The following NUP155 variants were observed in gnomAD, a reference collection of about 807,000 sequenced individuals.
The protein encoded by NUP155 is nuclear pore complex protein Nup155.
A neutral mutation model predicts 180.4 loss-of-function variants in NUP155; 71 were observed. The ratio of observed to expected loss-of-function variants is 0.39; its 90% CI spans 0.33 to 0.48. The LOEUF (loss-of-function observed/expected upper bound fraction) is 0.48. Among genes scored for constraint, NUP155 ranks in the 20% least tolerant of loss-of-function variants. NUP155 has a pLI of 0.91. For missense variants in NUP155, 1,553 were observed against 1,648.9 expected (o/e 0.94, Z 1.01); for synonymous variants, 582 against 559.5 (o/e 1.04, Z -0.57).
intron 20 of NUP155, among the ~76,000 whole-genome samples, chr5:37,319,250 G>A (rs1054084788): frequency 6.6e-6 from 1 of 152,206 alleles, no homozygotes; most frequent in Non-Finnish European, 1.5e-5. Flanking sequence ...ATGGAAGTGT[G>A]CTAAAACTGG....
In NUP155 at chr5:37,337,832, T is replaced by C. The variant is rs375925999; in HGVS notation, c.1333A>G (p.Met445Val). The C allele has an allele frequency of 1.2e-5, 19 of 1,604,760 alleles. No homozygotes were observed. Among genetic ancestry groups the C allele is most frequent in the East Asian group, 1.1e-4 (5 of 44,744 alleles). ...NHDTFPFQKP[M>V]METQMTAGVD... ...GGATAACTTACCTGGGTTTCCATCA[T>C]TGGCTTTTGGAAAGGAAAAGTATCA... Residue 445 changes from methionine (M) to valine (V), a missense_variant, in exon 12 of 35, where the codon ATG becomes GTG. Transcript: ENST00000231498.
intron 1 of NUP155, among the ~76,000 whole-genome samples, chr5:37,365,483 C>T (rs1181527185): frequency 2.7e-5 from 4 of 150,814 alleles, no homozygotes; most frequent in Non-Finnish European, 4.4e-5. Context: ...AGAGGCAAGC[C>T]GATCACAAGG....
intron 14 of NUP155, among the ~76,000 whole-genome samples, chr5:37,330,512 C>A (rs1744886843): frequency 6.6e-6 from 1 of 152,100 alleles, no homozygotes; most frequent in South Asian, 2.1e-4. Flanking sequence ...CATACCACAT[C>A]CTATTATAAT....
At chr5:37,296,577 A>C (rs575703998) in intron 32 of NUP155, among the ~76,000 whole-genome samples, 130 of 151,380 alleles carry the variant, frequency 8.6e-4, no homozygotes, top group African/African-American at 3.1e-3. Flanking sequence ...TCCTCTGCCT[A>C]GGAAAACCAG....
chr5:37,315,634 C>T (rs79294490), intron 21 of NUP155, among the ~76,000 whole-genome samples: 7,957 of 150,560 alleles, frequency 0.053, 232 homozygotes, highest in South Asian at 0.081. Flanking sequence ...TTGTGCATTG[C>T]TACTAGAAGT....
intron 13 of NUP155, 64 bp from the exon 14 acceptor site, chr5:37,331,859 T>C: frequency 1.1e-6 from 1 of 934,502 alleles, no homozygotes; most frequent in Non-Finnish European, 1.7e-6. Context: ...AGCAACTGAC[T>C]CTACCTTATT....
In NUP155 at chr5:37,342,607, T is replaced by C; in HGVS notation, c.1035A>G (p.Ile345Met). Residue 345 changes from isoleucine to methionine, a missense_variant, in exon 10 of 35, where the codon ATA becomes ATG. Ile to Met is a conservative substitution (Grantham distance 10, BLOSUM62 1). Transcript: ENST00000231498. ...DRSVFKPIVQ[I>M]AVIENSESLD... ...GTGATTCAGAATTTTCAATCACTGC[T>C]ATTTGGACAATTGGTTTAAAAACAG... 6.2e-7 allele frequency: 1 copy of C among 1,613,268 alleles called. No homozygotes were observed.
chr5:37,299,595 A>T, intron 30 of NUP155, 27 bp from the exon 31 acceptor site: 1 of 1,611,370 alleles, frequency 6.2e-7, no homozygotes, highest in South Asian at 1.1e-5. Flanking sequence ...CAAAATTAAC[A>T]TCCAACTAGA....
In NUP155 at chr5:37,289,978, C is replaced by G. The variant is rs1742164835; in HGVS notation, c.*1922G>C. ...GTAGTAGTACCCACTGAGTGACGTTCTGGCATTCTATTAAATATTCTACAT... is the reference window on the plus strand; with the variant it reads ...GTAGTAGTACCCACTGAGTGACGTTGTGGCATTCTATTAAATATTCTACAT... On this transcript the variant is annotated 3_prime_UTR_variant, in exon 35 of 35. Transcript: ENST00000231498. 1.3e-5 allele frequency: 2 copies of G among 152,248 alleles called. No homozygotes were observed. Among genetic ancestry groups the G allele is most frequent in the South Asian group, 4.1e-4 (2 of 4,826 alleles). The allele number at this position is 152,248 out of a possible 1,614,324, so 9.4% of individuals were successfully genotyped here.
chr5:37,309,436 A>C (rs572631478), intron 23 of NUP155, 169 bp from the exon 24 acceptor site: 56 of 613,172 alleles, frequency 9.1e-5, no homozygotes, highest in Non-Finnish European at 1.4e-4. Context: ...TTTTTGACCA[A>C]AGATTCCTAG....
chr5:37,354,278 G>A (rs1298754425), intron 4 of NUP155, among the ~76,000 whole-genome samples: 1 of 150,938 alleles, frequency 6.6e-6, no homozygotes, highest in Non-Finnish European at 1.5e-5. Flanking sequence ...TCCCGAGTAG[G>A]TGAGATTACA....
At chr5:37,307,691 G>C (rs546760125) in intron 24 of NUP155, among the ~76,000 whole-genome samples, 1 of 152,216 alleles carries the variant, frequency 6.6e-6, no homozygotes, top group Admixed American at 6.5e-5. Flanking sequence ...GGGAGGCTGA[G>C]AGGGGGCAGA....
At chr5:37,299,636 C>A in intron 30 of NUP155, 68 bp from the exon 31 acceptor site, 1 of 1,479,938 alleles carries the variant, frequency 6.8e-7, no homozygotes, top group Middle Eastern at 1.7e-4. Flanking sequence ...TAGTGAAGCA[C>A]TCCTTGAAAA....
In NUP155 at chr5:37,351,228, C is replaced by G; in HGVS notation, c.685G>C (p.Ala229Pro). 1 of 1,613,808 alleles carries G rather than the reference C, an allele frequency of 6.2e-7. No individual in the cohort carries two copies. Among genetic ancestry groups the G allele is most frequent in the Non-Finnish European group, 8.5e-7 (1 of 1,179,914 alleles). ...TSTDNGRIFL[A>P]GKDGCLYEVA... The stretch of plus-strand genomic sequence containing the variant: ...TCATATAAACAGCCATCCTTTCCAG[C>G]CAAGAAAATTCTGCCATTATCAGTG... Residue 229 changes from alanine to proline, a missense_variant, in exon 6 of 35, where the codon GCT becomes CCT. Physicochemically the swap from Ala to Pro is conservative, Grantham distance 27 (BLOSUM62 -1). Coordinates refer to ENST00000231498, the MANE Select transcript of NUP155 (RefSeq NM_153485.3).
rs1216663204 is a variant in NUP155, at chr5:37,371,085, A to ACGAG, written c.-112_-109dup. On this transcript the variant is annotated 5_prime_UTR_variant, in exon 1 of 35. Transcript: ENST00000231498. ...CCGCCGCCTAGGGCGCGCGCGCCAA[A>ACGAG]CGAGCGCCTTGGCGCCTCGACATGA... The ACGAG allele has an allele frequency of 8.5e-7, 1 of 1,174,968 alleles. No individual in the cohort carries two copies. The highest frequency in any genetic ancestry group is 1.5e-5 in the African/African-American group (1 of 65,486). The allele number at this position is 1,174,968 out of a possible 1,614,324, so 72.8% of individuals were successfully genotyped here.
chr5:37,318,572 T>C (rs1200124368), intron 20 of NUP155, among the ~76,000 whole-genome samples: 3 of 152,064 alleles, frequency 2.0e-5, no homozygotes, highest in Non-Finnish European at 2.9e-5. Flanking sequence ...ACTGGAGCAA[T>C]TTCGATTTCA....
intron 1 of NUP155, among the ~76,000 whole-genome samples, chr5:37,365,786 CACACACAG>C (rs1747546374): frequency 1.4e-5 from 2 of 138,434 alleles, no homozygotes; most frequent in South Asian, 2.3e-4. Flanking sequence ...CACACACACA[CACACACAG>C]ACGCCTACTA....
intron 30 of NUP155, 181 bp downstream of exon 30, chr5:37,301,255 CT>C (rs1181297025): frequency 4.7e-5 from 26 of 558,196 alleles, no homozygotes; most frequent in Non-Finnish European, 1.3e-5. Context: ...GTAGCTTAGC[CT>C]TTTTCTAGGA....
At position 37,348,503 on chromosome 5, in the gene NUP155, A is replaced by C. The variant is rs1246854536; in HGVS notation, c.995+2T>G. The C allele has an allele frequency of 6.4e-7, 1 of 1,570,208 alleles. No individual in the cohort carries two copies. Among genetic ancestry groups the C allele is most frequent in the Non-Finnish European group, 8.8e-7 (1 of 1,140,202 alleles). ...AATGCTTAATAATAAATTACATGTTACCTAGCAATGTTACCAGCAGCAGAG... is the reference window on the plus strand; with the variant it reads ...AATGCTTAATAATAAATTACATGTTCCCTAGCAATGTTACCAGCAGCAGAG... On this transcript the variant is annotated splice_donor_variant, in intron 9 of 34. Coordinates refer to ENST00000231498, the MANE Select transcript of NUP155 (RefSeq NM_153485.3). LOFTEE classifies it high-confidence loss of function.
Sources: gnomAD v4.1 joint callset for allele counts (sites outside exome capture counted in the v4.1 genomes callset) on GRCh38, gnomAD v4.1.1 for gene constraint, MANE v1.5 for transcripts, NCBI Gene and HGNC (gene_info 2026-07-23, HGNC 2026-07-21) for gene names.